The following KALRN variants were observed in gnomAD, a reference collection of about 807,000 sequenced individuals.
KALRN encodes kalirin RhoGEF kinase.
A neutral mutation model predicts 353.7 loss-of-function variants in KALRN; 70 were observed. That is an observed-to-expected ratio of 0.20 (90% confidence interval 0.16 to 0.24). The LOEUF (loss-of-function observed/expected upper bound fraction) is 0.24, where lower values mean the gene tolerates loss of function less well. Ranked by LOEUF, KALRN falls within the 10% of genes least tolerant of loss-of-function variation. KALRN has a pLI of 1.00. For missense variants in KALRN, 2,791 were observed against 3,756.7 expected (o/e 0.74, Z 6.72); for synonymous variants, 1,391 against 1,434.8 (o/e 0.97, Z 0.69).
At chr3:124,311,293 C>G (rs1040120896) in intron 6 of KALRN, among the ~76,000 whole-genome samples, 1 of 151,660 alleles carries the variant, frequency 6.6e-6, no homozygotes, top group Non-Finnish European at 1.5e-5. Context: ...AACCTGGTCT[C>G]TACTAAAAAT....
chr3:124,702,714 C>T (rs2062401115), intron 57 of KALRN, among the ~76,000 whole-genome samples: 1 of 152,000 alleles, frequency 6.6e-6, no homozygotes. Context: ...TCTATATTGC[C>T]CGTGTACCAA....
intron 18 of KALRN, among the ~76,000 whole-genome samples, chr3:124,440,106 T>C (rs1382645565): frequency 6.6e-6 from 1 of 152,134 alleles, no homozygotes; most frequent in Non-Finnish European, 1.5e-5. Flanking sequence ...TCCGCACCTA[T>C]ATGGGTCAGA....
intron 3 of KALRN, among the ~76,000 whole-genome samples, chr3:124,251,991 G>C (rs959508733): frequency 6.6e-6 from 1 of 152,084 alleles, no homozygotes; most frequent in Non-Finnish European, 1.5e-5. Flanking sequence ...ACTTTAAAAA[G>C]GTGGAAACTA....
chr3:124,286,126 T>TCTTTCTTTCTTTCTTTCTTTC (rs1560463443), intron 5 of KALRN, among the ~76,000 whole-genome samples: 13 of 148,762 alleles, frequency 8.7e-5, no homozygotes, highest in East Asian at 7.9e-4. Context: ...TTTCTTTCTT[T>TCTTTCTTTCTTTCTTTCTTTC]CTTTCTTTCT....
intron 23 of KALRN, among the ~76,000 whole-genome samples, chr3:124,457,534 T>G (rs530170985): frequency 2.0e-5 from 3 of 152,380 alleles, no homozygotes; most frequent in Non-Finnish European, 4.4e-5. Context: ...TTATTATTGC[T>G]AATATCAATA....
intron 34 of KALRN, among the ~76,000 whole-genome samples, chr3:124,629,695 C>T (rs2080519750): frequency 6.6e-6 from 1 of 152,224 alleles, no homozygotes; most frequent in Non-Finnish European, 1.5e-5. Context: ...CTGAACTCTG[C>T]TTACTTGTCA....
At chr3:124,280,785 T>C (rs927672470) in intron 5 of KALRN, among the ~76,000 whole-genome samples, 2 of 152,172 alleles carry the variant, frequency 1.3e-5, no homozygotes, top group African/African-American at 4.8e-5. Context: ...CAGAGAGATT[T>C]TTCCAGTATG....
intron 3 of KALRN, among the ~76,000 whole-genome samples, chr3:124,237,419 G>A (rs111232307): frequency 0.049 from 7,397 of 150,672 alleles, 281 homozygotes; most frequent in East Asian, 0.18. Flanking sequence ...CTGGAGTGCA[G>A]TGGCACAATC....
chr3:124,462,484 T>C (rs1205110880), intron 24 of KALRN, 40 bp from the exon 25 acceptor site: 1 of 1,206,066 alleles, frequency 8.3e-7, no homozygotes, highest in South Asian at 1.2e-5. Flanking sequence ...TTATATGGCC[T>C]GCCAGACTTG....
chr3:124,427,398 A>AT (rs1338935992), intron 15 of KALRN, among the ~76,000 whole-genome samples: 3 of 152,220 alleles, frequency 2.0e-5, no homozygotes, highest in Non-Finnish European at 4.4e-5. Context: ...ATGCCTTGTG[A>AT]TAAATCATCT....
chr3:124,131,561 T>C (rs1331988325), intron 1 of KALRN, among the ~76,000 whole-genome samples: 1 of 152,226 alleles, frequency 6.6e-6, no homozygotes, highest in African/African-American at 2.4e-5. Context: ...TAAGGTGCTG[T>C]TGACAAAGAC....
chr3:124,347,033 A>T, intron 9 of KALRN, 110 bp from the exon 10 acceptor site: 1 of 1,512,468 alleles, frequency 6.6e-7, no homozygotes, highest in Non-Finnish European at 9.0e-7. Context: ...CTGCTGCTTT[A>T]CAACTGGGAT....
At chr3:124,328,484 G>T (rs1216631016) in intron 7 of KALRN, among the ~76,000 whole-genome samples, 1 of 152,174 alleles carries the variant, frequency 6.6e-6, no homozygotes, top group East Asian at 1.9e-4. Context: ...TTCCCCCCAT[G>T]ATTGACACAA....
At chr3:124,565,622 A>G (rs900087418) in intron 34 of KALRN, among the ~76,000 whole-genome samples, 1 of 152,238 alleles carries the variant, frequency 6.6e-6, no homozygotes, top group Non-Finnish European at 1.5e-5. Context: ...GCAAAAGGCT[A>G]ACGTTCCTTG....
chr3:124,396,840 A>C (rs191778943), intron 12 of KALRN, among the ~76,000 whole-genome samples: 13 of 152,358 alleles, frequency 8.5e-5, no homozygotes, highest in African/African-American at 3.1e-4. Flanking sequence ...GCATATGACC[A>C]AGAGCCACTG....
intron 21 of KALRN, among the ~76,000 whole-genome samples, chr3:124,452,199 G>A (rs2058853442): frequency 6.6e-6 from 1 of 152,152 alleles, no homozygotes; most frequent in Admixed American, 6.5e-5. Flanking sequence ...CATGGCCATG[G>A]TTGATGTCTA....
At chr3:124,477,356 T>C in intron 27 of KALRN, 22 bp downstream of exon 27, 2 of 1,550,708 alleles carry the variant, frequency 1.3e-6, no homozygotes, top group South Asian at 1.1e-5. Context: ...TTTCCATTCT[T>C]GAGCAGCTGA....
rs371805011 is a variant in KALRN at position 124,678,207 on chromosome 3, A to G, written c.7211A>G (p.His2404Arg). 9.3e-6 allele frequency: 15 copies of G among 1,613,810 alleles called. No homozygotes were observed. The highest frequency in any genetic ancestry group is 1.3e-5 in the Non-Finnish European group (15 of 1,179,904). ...DGSIKKSCSW[H>R]TLRMRKRAEV... ...TACAACAGGAAGTCATGTTCATGGC[A>G]TACTCTACGCATGAGAAAGCGGGCG... Residue 2404 changes from histidine to arginine, a missense_variant, in exon 50 of 60, where the codon CAT (histidine) becomes CGT (arginine). Physicochemically the swap from His to Arg is conservative, Grantham distance 29. Around this residue, in one of 11 missense-constraint regions of KALRN, gnomAD observed 1,065 missense variants for 1,156.4 expected, o/e 0.92. Transcript: ENST00000682506.
chr3:124,443,227 C>T (rs1454210501), intron 19 of KALRN, among the ~76,000 whole-genome samples: 2 of 152,276 alleles, frequency 1.3e-5, no homozygotes, highest in Middle Eastern at 3.4e-3. Flanking sequence ...TTATTCTGAC[C>T]ATGCAGAAAT....
Sources: allele counts gnomAD v4.1 joint callset (sites outside exome capture counted in the v4.1 genomes callset), GRCh38; gene constraint gnomAD v4.1.1; regional missense constraint gnomAD v4.1.1; transcripts MANE v1.5; gene names NCBI Gene and HGNC (gene_info 2026-07-23, HGNC 2026-07-21).